The following AGMO variants were observed in gnomAD, a reference collection of about 807,000 sequenced individuals.
AGMO encodes glyceryl-ether monooxygenase.
AGMO carries 75 observed loss-of-function variants against 60.2 expected under a neutral mutation model. That is an observed-to-expected ratio of 1.25 (90% CI 1.03 to 1.51). The LOEUF (loss-of-function observed/expected upper bound fraction) is 1.51, where lower values mean the gene tolerates loss of function less well. AGMO is among the 40% of genes most tolerant of loss of function. The pLI is 0.00. For missense variants in AGMO, 763 were observed against 525.5 expected, an observed-to-expected ratio of 1.45 and a Z score of -4.42; for synonymous variants, 261 against 177.1, an observed-to-expected ratio of 1.47 and a Z score of -3.76.
the AGMO span, among the ~76,000 whole-genome samples, chr7:15,158,634 G>A: frequency 6.6e-6 from 1 of 152,100 alleles, no homozygotes; most frequent in Non-Finnish European, 1.5e-5. Context: ...GGGAATTAAG[G>A]CCCAAAGGCA....
intron 12 of AGMO, among the ~76,000 whole-genome samples, chr7:15,251,334 G>C (rs897677541): frequency 3.9e-5 from 6 of 152,098 alleles, no homozygotes; most frequent in African/African-American, 1.2e-4. Context: ...GTACCAACCA[G>C]GAAAGTAAAA....
intron 12 of AGMO, among the ~76,000 whole-genome samples, chr7:15,288,333 A>G (rs1784159870): frequency 6.6e-6 from 1 of 152,202 alleles, no homozygotes; most frequent in African/African-American, 2.4e-5. Flanking sequence ...AAAACATTAA[A>G]ATTTATAAAT....
At chr7:15,326,180 G>C (rs540237859) in intron 12 of AGMO, among the ~76,000 whole-genome samples, 22 of 151,992 alleles carry the variant, frequency 1.4e-4, no homozygotes, top group Non-Finnish European at 2.1e-4. Flanking sequence ...TGAATTAAAG[G>C]GGGGGTTAAG....
intron 12 of AGMO, among the ~76,000 whole-genome samples, chr7:15,325,176 AGATT>A (rs763170684): frequency 1.1e-4 from 16 of 152,174 alleles, no homozygotes; most frequent in African/African-American, 3.6e-4. Context: ...CTGGATAGAT[AGATT>A]TAGTTTCATG....
chr7:15,287,293 G>A (rs1440104393), intron 12 of AGMO, among the ~76,000 whole-genome samples: 2 of 152,038 alleles, frequency 1.3e-5, no homozygotes, highest in African/African-American at 4.8e-5. Context: ...AAAAATTTGG[G>A]ACAAGATTAG....
chr7:15,467,519 A>C (rs1782326295), intron 3 of AGMO, among the ~76,000 whole-genome samples: 1 of 152,220 alleles, frequency 6.6e-6, no homozygotes, highest in African/African-American at 2.4e-5. Context: ...AACAAAATCA[A>C]AAGCATTTTA....
Position 15,316,734 on chromosome 7 carries a change from A to G in AGMO, c.1263+48780T>C, listed in dbSNP as rs149194490. On this transcript the variant is annotated intron_variant, in intron 12 of 12. Coordinates refer to ENST00000342526, the MANE Select transcript of AGMO (RefSeq NM_001004320.2). ...TGTATTTAGTAACGTTTCCCCTCTC[A>G]CTGTTTAGCGAAAAATCCAAGAAAA... Among the ~76,000 whole-genome samples, 968 of 152,336 alleles carry G rather than the reference A, an allele frequency of 6.4e-3. 9 individuals are homozygous for G. Among genetic ancestry groups the G allele is most frequent in the Non-Finnish European group, 0.01 (692 of 68,020 alleles).
chr7:15,216,365 C>G (rs1781737346), intron 12 of AGMO, among the ~76,000 whole-genome samples: 1 of 152,082 alleles, frequency 6.6e-6, no homozygotes, highest in Non-Finnish European at 1.5e-5. Flanking sequence ...ACTTTCTGCA[C>G]TGCTATAATT....
intron 10 of AGMO, 142 bp downstream of exon 10, chr7:15,385,304 C>T: frequency 1.8e-6 from 1 of 557,486 alleles, no homozygotes; most frequent in Non-Finnish European, 3.1e-6. Context: ...TTTGTTTTAC[C>T]TATTTAAATG....
At chr7:15,559,563 A>T (rs1785245003) in intron 2 of AGMO, among the ~76,000 whole-genome samples, 1 of 152,054 alleles carries the variant, frequency 6.6e-6, no homozygotes, top group Non-Finnish European at 1.5e-5. Flanking sequence ...AAACATGACA[A>T]ATAGACAGGA....
Position 15,354,409 on chromosome 7 carries a change from C to T in AGMO, c.1263+11105G>A, listed in dbSNP as rs1167441344. ...GTGTGTGTATACACGTGTGTGTACA[C>T]ACGTGTGTGTATACACACACGTGTG... On this transcript the variant is annotated intron_variant, in intron 12 of 12. Transcript: ENST00000342526. 9.0e-3 allele frequency among the ~76,000 whole-genome samples: 261 copies of T among 28,868 alleles called. 17 individuals carry two copies. Among genetic ancestry groups the T allele is most frequent in the African/African-American group, 0.031 (89 of 2,910 alleles). The allele number at this position is 28,868 out of a possible 152,430, so 18.9% of individuals were successfully genotyped here. A position where few individuals can be genotyped will look rare whatever the true frequency, so the allele number is the denominator to read the frequency against.
chr7:15,176,061 T>C, the AGMO span, among the ~76,000 whole-genome samples: 2 of 152,044 alleles, frequency 1.3e-5, no homozygotes, highest in African/African-American at 4.8e-5. Flanking sequence ...ACGACATTTA[T>C]GTCATGTCTG....
intron 10 of AGMO, among the ~76,000 whole-genome samples, chr7:15,366,913 AGTCT>A (rs1448859165): frequency 6.6e-6 from 1 of 152,066 alleles, no homozygotes; most frequent in African/African-American, 2.4e-5. Context: ...ATTCTAAGAC[AGTCT>A]GTCCATTGAG....
At chr7:15,170,309 A>T in the AGMO span, among the ~76,000 whole-genome samples, 4 of 152,214 alleles carry the variant, frequency 2.6e-5, no homozygotes, top group Admixed American at 2.6e-4. Context: ...CTATTTCTGT[A>T]GCTTGTATTT....
chr7:15,382,758 C>G (rs955443087), intron 10 of AGMO, among the ~76,000 whole-genome samples: 2 of 152,050 alleles, frequency 1.3e-5, no homozygotes, highest in African/African-American at 2.4e-5. Flanking sequence ...ATTGAATATT[C>G]TGTTTTTTTA....
intron 3 of AGMO, among the ~76,000 whole-genome samples, chr7:15,497,865 C>G (rs1783275216): frequency 6.6e-6 from 1 of 151,888 alleles, no homozygotes; most frequent in Admixed American, 6.6e-5. Context: ...TTTTAGAAGC[C>G]TTACTGGGTT....
chr7:15,423,290 C>G (rs532024245), intron 4 of AGMO, among the ~76,000 whole-genome samples: 1 of 152,228 alleles, frequency 6.6e-6, no homozygotes, highest in African/African-American at 2.4e-5. Flanking sequence ...TGACACAGAT[C>G]AAAATTACCT....
chr7:15,366,455 T>C (rs150219714), intron 10 of AGMO, among the ~76,000 whole-genome samples: 1 of 152,236 alleles, frequency 6.6e-6, no homozygotes, highest in East Asian at 1.9e-4. Context: ...TTGCTTAAAG[T>C]GTTCATCATC....
At chr7:15,339,587 G>C (rs1781769506) in intron 12 of AGMO, among the ~76,000 whole-genome samples, 1 of 152,162 alleles carries the variant, frequency 6.6e-6, no homozygotes, top group East Asian at 1.9e-4. Flanking sequence ...AATAGGGCTT[G>C]CTGCATTTTA....
Sources: allele counts gnomAD v4.1 joint callset (sites outside exome capture counted in the v4.1 genomes callset), GRCh38; gene constraint gnomAD v4.1.1; transcripts MANE v1.5; gene names NCBI Gene and HGNC (gene_info 2026-07-23, HGNC 2026-07-21).